PRKCB: variants seen among roughly 807,000 people sequenced by gnomAD.
PRKCB encodes protein kinase C beta type.
PRKCB carries 13 observed loss-of-function variants against 81.5 expected under a neutral mutation model. That is an observed-to-expected ratio of 0.16 (90% CI 0.10 to 0.25). The LOEUF is 0.25. Among genes scored for constraint, PRKCB ranks in the 10% least tolerant of loss-of-function variants. PRKCB has a pLI of 1.00. For synonymous variants in PRKCB, 335 were observed against 321.4 expected (o/e 1.04, Z -0.45); for missense variants, 509 against 875.7 (o/e 0.58, Z 5.29).
intron 5 of PRKCB, among the ~76,000 whole-genome samples, chr16:24,058,739 C>T (rs762209200): frequency 3.3e-5 from 5 of 152,172 alleles, no homozygotes; most frequent in Non-Finnish European, 4.4e-5. Flanking sequence ...TGATTAATGC[C>T]AGCTCACAGA....
chr16:23,889,749 C>G (rs1038536629), intron 2 of PRKCB, among the ~76,000 whole-genome samples: 6 of 152,218 alleles, frequency 3.9e-5, no homozygotes, highest in African/African-American at 1.2e-4. Context: ...CTTAGCTGAT[C>G]AGGCATGAGG....
chr16:23,899,776 C>T lies in PRKCB; in HGVS notation c.205+62370C>T, dbSNP rs1416256080. ...CCTCAGCCTTCTGAGGAGCTGGGAC[C>T]GTAGGCACGTGCCACCAGGCCCAGC... On this transcript the variant is annotated intron_variant, in intron 2 of 16. Transcript: ENST00000643927. Among the ~76,000 whole-genome samples, 7 of 39,896 alleles carry T rather than the reference C, an allele frequency of 1.8e-4. 1 individual carries two copies. The highest frequency in any genetic ancestry group is 4.5e-4 in the African/African-American group (7 of 15,728). 26.2% of individuals were successfully genotyped at this position (39,896 alleles called of 152,430 possible). A position where few individuals can be genotyped will look rare whatever the true frequency, so the allele number is the denominator to read the frequency against.
intron 5 of PRKCB, among the ~76,000 whole-genome samples, chr16:24,067,786 G>A (rs1366343160): frequency 1.3e-5 from 2 of 152,118 alleles, no homozygotes; most frequent in Non-Finnish European, 2.9e-5. Flanking sequence ...GGCCAACATA[G>A]TGAAGCCCCA....
At chr16:24,174,479 T>G in intron 11 of PRKCB, 39 bp from the exon 12 acceptor site, 2 of 1,575,868 alleles carry the variant, frequency 1.3e-6, no homozygotes, top group Non-Finnish European at 1.7e-6. Flanking sequence ...ATGGTGTCCT[T>G]GAGTTTCTCC....
chr16:24,073,565 C>T (rs1278349695), intron 5 of PRKCB, among the ~76,000 whole-genome samples: 1 of 152,086 alleles, frequency 6.6e-6, no homozygotes, highest in African/African-American at 2.4e-5. Flanking sequence ...AAATTCCTGG[C>T]CTCAAGTGAT....
chr16:24,143,655 C>A (rs1368639422), intron 9 of PRKCB, among the ~76,000 whole-genome samples: 4 of 152,144 alleles, frequency 2.6e-5, no homozygotes, highest in Admixed American at 6.5e-5. Context: ...CCCAAGTTGA[C>A]CTCAGCTCAC....
chr16:24,125,184 C>T (rs911395689), intron 9 of PRKCB, among the ~76,000 whole-genome samples: 3 of 151,620 alleles, frequency 2.0e-5, no homozygotes, highest in South Asian at 2.1e-4. Flanking sequence ...CTTTCTACTT[C>T]GTAGCCGTAA....
At chr16:24,209,085 G>A (rs1478776705) in intron 16 of PRKCB, among the ~76,000 whole-genome samples, 1 of 152,154 alleles carries the variant, frequency 6.6e-6, no homozygotes, top group Non-Finnish European at 1.5e-5. Context: ...GGAGGCCCAG[G>A]CGAAGAAACA....
At chr16:23,946,018 C>A (rs1964200716) in intron 2 of PRKCB, among the ~76,000 whole-genome samples, 1 of 152,194 alleles carries the variant, frequency 6.6e-6, no homozygotes, top group Non-Finnish European at 1.5e-5. Context: ...TGACATACAT[C>A]CTCTCATTTT....
intron 2 of PRKCB, among the ~76,000 whole-genome samples, chr16:23,923,833 T>C (rs1963861043): frequency 6.6e-6 from 1 of 152,096 alleles, no homozygotes; most frequent in Admixed American, 6.6e-5. Context: ...GGGAAGGGAT[T>C]GCTCATTGTG....
intron 2 of PRKCB, among the ~76,000 whole-genome samples, chr16:23,875,037 CTTTT>C (rs10568541): frequency 1.0e-4 from 12 of 117,398 alleles, no homozygotes; most frequent in Non-Finnish European, 1.4e-4. Context: ...TCTCTATGTC[CTTTT>C]TTTTTTTTTT....
intron 9 of PRKCB, among the ~76,000 whole-genome samples, chr16:24,141,513 A>G (rs1446000185): frequency 6.6e-6 from 1 of 152,166 alleles, no homozygotes; most frequent in Non-Finnish European, 1.5e-5. Flanking sequence ...CCTGTTTGGA[A>G]TGGCTTTCCC....
chr16:23,954,240 C>A (rs890929388), intron 2 of PRKCB, among the ~76,000 whole-genome samples: 2 of 151,888 alleles, frequency 1.3e-5, no homozygotes, highest in Non-Finnish European at 2.9e-5. Flanking sequence ...TGAGACACCA[C>A]GCCTGACCAG....
intron 3 of PRKCB, among the ~76,000 whole-genome samples, chr16:24,022,854 T>C (rs980042156): frequency 6.6e-6 from 1 of 152,186 alleles, no homozygotes; most frequent in African/African-American, 2.4e-5. Flanking sequence ...TTTGGATTTC[T>C]AAGAAGCACC....
intron 2 of PRKCB, among the ~76,000 whole-genome samples, chr16:23,933,514 C>G (rs548500806): frequency 6.6e-6 from 1 of 152,280 alleles, no homozygotes; most frequent in African/African-American, 2.4e-5. Context: ...AAAGAGCATG[C>G]ATTGTTGGGG....
intron 5 of PRKCB, among the ~76,000 whole-genome samples, chr16:24,075,219 T>C (rs1402534398): frequency 1.3e-5 from 2 of 152,222 alleles, no homozygotes; most frequent in South Asian, 4.1e-4. Flanking sequence ...TGGCCTCATG[T>C]GGCTAGTGGT....
intron 16 of PRKCB, among the ~76,000 whole-genome samples, chr16:24,209,746 G>A (rs572471177): frequency 5.9e-5 from 9 of 152,152 alleles, no homozygotes; most frequent in African/African-American, 2.2e-4. Flanking sequence ...TGGTTGTACT[G>A]TTTCCACTAT....
At chr16:24,003,857 A>T (rs2141832571) in intron 3 of PRKCB, among the ~76,000 whole-genome samples, 1 of 152,342 alleles carries the variant, frequency 6.6e-6, no homozygotes, top group East Asian at 1.9e-4. Context: ...CGCTGATGAA[A>T]GTAATAACTA....
chr16:24,089,770 G>A (rs375882075), intron 5 of PRKCB, among the ~76,000 whole-genome samples: 9 of 149,372 alleles, frequency 6.0e-5, no homozygotes, highest in African/African-American at 2.0e-4. Flanking sequence ...GTGAGACCTT[G>A]TCTCTCTCTC....
Sources: allele counts gnomAD v4.1 joint callset (sites outside exome capture counted in the v4.1 genomes callset), GRCh38; gene constraint gnomAD v4.1.1; transcripts MANE v1.5; gene names NCBI Gene and HGNC (gene_info 2026-07-23, HGNC 2026-07-21).